Variants in KHDRBS2 observed in about 807,000 individuals in gnomAD.
The protein encoded by KHDRBS2 is KH RNA binding domain containing, signal transduction associated 2.
In KHDRBS2, 26 loss-of-function variants were observed where a neutral mutation model predicts 44.3. That is an observed-to-expected ratio of 0.59 (90% CI 0.43 to 0.81). The LOEUF is 0.81. Among genes scored for constraint, KHDRBS2 ranks in the 40% least tolerant of loss-of-function variants. The probability of loss-of-function intolerance (pLI) is 0.00; values close to 1 mark genes in which losing one functional copy is unlikely to be tolerated. For missense variants in KHDRBS2, 476 were observed against 433.1 expected (o/e 1.10, Z -0.88); for synonymous variants, 194 against 151.1 (o/e 1.28, Z -2.08).
intron 6 of KHDRBS2, among the ~76,000 whole-genome samples, chr6:61,782,012 T>C (rs1018791077): frequency 6.6e-6 from 1 of 152,090 alleles, no homozygotes; most frequent in African/African-American, 2.4e-5. Context: ...ATTTTGGAAG[T>C]GTTTTTTGGT....
Position 62,070,396 on chromosome 6 carries a change from T to C in KHDRBS2, c.220-22402A>G, listed in dbSNP as rs554789742. Among the ~76,000 whole-genome samples the C allele has an allele frequency of 3.9e-5, 6 of 152,066 alleles. No homozygotes were observed. In the South Asian group the frequency reaches 1.2e-3, roughly 32 times the overall value. ...GATACATGTGCACAATGTGCAGGTTTGTTACATATATATACATGTGCCATG... is the reference window on the plus strand; with the variant it reads ...GATACATGTGCACAATGTGCAGGTTCGTTACATATATATACATGTGCCATG... On this transcript the variant is annotated intron_variant, in intron 2 of 8. Coordinates refer to ENST00000281156, the MANE Select transcript of KHDRBS2 (RefSeq NM_152688.4).
chr6:62,115,242 A>G (rs73758675), intron 2 of KHDRBS2, among the ~76,000 whole-genome samples: 3,359 of 152,288 alleles, frequency 0.022, 131 homozygotes, highest in African/African-American at 0.076. Flanking sequence ...TTATAGTAAC[A>G]GTATTCACAT....
chr6:61,779,290 T>C (rs774713851), intron 6 of KHDRBS2, among the ~76,000 whole-genome samples: 14 of 152,114 alleles, frequency 9.2e-5, no homozygotes, highest in Non-Finnish European at 1.5e-4. Context: ...TATCCTCCCA[T>C]TGGGGCCATA....
At chr6:61,653,086 A>G in the KHDRBS2 span, among the ~76,000 whole-genome samples, 1 of 152,068 alleles carries the variant, frequency 6.6e-6, no homozygotes, top group Non-Finnish European at 1.5e-5. Flanking sequence ...GAGACATGGC[A>G]TTTACTTAAT....
intron 3 of KHDRBS2, among the ~76,000 whole-genome samples, chr6:62,039,326 G>A (rs935505839): frequency 9.3e-5 from 14 of 150,668 alleles, no homozygotes; most frequent in Non-Finnish European, 1.9e-4. Context: ...TGCATTGATC[G>A]CCATTAGAGG....
At chr6:62,028,600 A>G (rs1023682972) in intron 3 of KHDRBS2, among the ~76,000 whole-genome samples, 3 of 152,090 alleles carry the variant, frequency 2.0e-5, no homozygotes, top group African/African-American at 7.2e-5. Context: ...TGGTTTCCAC[A>G]TATACTTACA....
At chr6:61,840,968 T>C (rs1793511407) in intron 6 of KHDRBS2, among the ~76,000 whole-genome samples, 1 of 152,146 alleles carries the variant, frequency 6.6e-6, no homozygotes, top group Admixed American at 6.6e-5. Flanking sequence ...GTTTTTATTA[T>C]ATTCTGGAAT....
At chr6:61,578,017 T>C in the KHDRBS2 span, among the ~76,000 whole-genome samples, 1 of 152,086 alleles carries the variant, frequency 6.6e-6, no homozygotes, top group Non-Finnish European at 1.5e-5. Context: ...AAAACTTCAC[T>C]CATTATTTTT....
chr6:62,003,008 A>C (rs1778540825), intron 3 of KHDRBS2, among the ~76,000 whole-genome samples: 1 of 152,128 alleles, frequency 6.6e-6, no homozygotes, highest in Admixed American at 6.6e-5. Flanking sequence ...TCATAGTTAA[A>C]CCTAATGTAT....
At chr6:61,902,511 A>ACT (rs930208080) in intron 4 of KHDRBS2, among the ~76,000 whole-genome samples, 14 of 151,474 alleles carry the variant, frequency 9.2e-5, no homozygotes, top group Non-Finnish European at 1.9e-4. Flanking sequence ...TAATCAACAC[A>ACT]CACACACACA....
chr6:62,026,120 T>C (rs1783259903), intron 3 of KHDRBS2, among the ~76,000 whole-genome samples: 2 of 151,976 alleles, frequency 1.3e-5, no homozygotes, highest in Admixed American at 6.6e-5. Flanking sequence ...AATTCTATTC[T>C]TAACTTCTAT....
At chr6:61,728,048 A>T (rs564132324) in intron 7 of KHDRBS2, among the ~76,000 whole-genome samples, 3 of 152,158 alleles carry the variant, frequency 2.0e-5, no homozygotes, top group Non-Finnish European at 4.4e-5. Context: ...TGATTACCCA[A>T]CATGATAGAC....
rs568880717 is a variant in KHDRBS2 at position 61,894,825 on chromosome 6, C to T, written c.620G>A (p.Gly207Glu). The change falls in exon 6 of 9, where the codon GGG (glycine) becomes GAG (glutamate). Residue 207 changes from glycine to glutamate, a missense_variant. By Grantham distance (98) the Gly-to-Glu change is moderately conservative (BLOSUM62 -2). Coordinates refer to ENST00000281156, the MANE Select transcript of KHDRBS2 (RefSeq NM_152688.4). ...TGGTGGGGGAGGAGGAATGGCACCC[C>T]CACGGCCCCTAAGAGAAACAAGTCA... ...IAPTAPSRGR[G>E]GAIPPPPPPG... is the part of the protein sequence containing the mutation. 36 of 1,611,368 alleles carry T rather than the reference C, an allele frequency of 2.2e-5. No homozygotes were observed. The South Asian group carries it at 4.0e-4, about 18-fold the overall frequency.
chr6:61,630,350 G>A, the KHDRBS2 span: 4 of 117,906 alleles, frequency 3.4e-5, no homozygotes, highest in African/African-American at 1.3e-4. Context: ...ATTTTTTGTA[G>A]GTAGAGCAAA....
intron 2 of KHDRBS2, among the ~76,000 whole-genome samples, chr6:62,064,407 A>T (rs1792965104): frequency 1.3e-5 from 2 of 148,662 alleles, no homozygotes; most frequent in Admixed American, 6.8e-5. Flanking sequence ...TAACCAAAAC[A>T]GCATGGTACT....
chr6:61,654,156 T>C, the KHDRBS2 span, among the ~76,000 whole-genome samples: 1 of 152,044 alleles, frequency 6.6e-6, no homozygotes, highest in East Asian at 1.9e-4. Context: ...CCTATCATTC[T>C]TTGTGAGTTA....
intron 6 of KHDRBS2, among the ~76,000 whole-genome samples, chr6:61,874,800 C>A (rs1799181032): frequency 6.6e-6 from 1 of 152,062 alleles, no homozygotes; most frequent in South Asian, 2.1e-4. Context: ...GGAGTCTAGT[C>A]AGAACTGATG....
At chr6:61,880,206 C>T (rs1800011805) in intron 6 of KHDRBS2, among the ~76,000 whole-genome samples, 1 of 151,754 alleles carries the variant, frequency 6.6e-6, no homozygotes, top group African/African-American at 2.4e-5. Flanking sequence ...ACAATAGAGA[C>T]AGTCAAGATT....
At chr6:61,549,232 G>A in the KHDRBS2 span, among the ~76,000 whole-genome samples, 2 of 152,044 alleles carry the variant, frequency 1.3e-5, no homozygotes, top group African/African-American at 4.8e-5. Flanking sequence ...ATAACAAATG[G>A]ATCAATCTAA....
Sources: allele counts gnomAD v4.1 joint callset (sites outside exome capture counted in the v4.1 genomes callset), GRCh38; gene constraint gnomAD v4.1.1; transcripts MANE v1.5; gene names NCBI Gene and HGNC (gene_info 2026-07-23, HGNC 2026-07-21).